UNC13B: variants seen among roughly 807,000 people sequenced by gnomAD.
UNC13B encodes the protein unc-13 homolog B, also known as protein unc-13 homolog B.
A neutral mutation model predicts 211.0 loss-of-function variants in UNC13B; 144 were observed. That is an observed-to-expected ratio of 0.68 (90% CI 0.60 to 0.78). The LOEUF (loss-of-function observed/expected upper bound fraction) is 0.78, where lower values mean the gene tolerates loss of function less well. UNC13B is among the 30% of genes least tolerant of loss of function. UNC13B has a pLI of 0.00. For synonymous variants in UNC13B, 709 were observed against 725.8 expected (o/e 0.98, Z 0.37); for missense variants, 1,777 against 2,002.0 (o/e 0.89, Z 2.14).
intron 29 of UNC13B, 115 bp downstream of exon 29, chr9:35,397,425 C>G (rs550653377): frequency 2.0e-6 from 3 of 1,492,802 alleles, no homozygotes; most frequent in South Asian, 2.5e-5. Context: ...TCGTGTGACC[C>G]CCATTCTCCT....
In UNC13B at chr9:35,338,643, C is replaced by T. The variant is rs78371595; in HGVS notation, c.9414+24654C>T. ...ACTATATGTCAGCTTTTTCATGTTG[C>T]TTCTGGCTTTCCTCAGCAGTAGAGA... On this transcript the variant is annotated intron_variant, in intron 11 of 39. Transcript: ENST00000635942. Among the ~76,000 whole-genome samples, 66 of 152,292 alleles carry T rather than the reference C, an allele frequency of 4.3e-4. 1 individual carries two copies. The highest frequency in any genetic ancestry group is 1.6e-3 in the African/African-American group (65 of 41,566).
At position 35,204,765 on chromosome 9, in the gene UNC13B, A is replaced by G. The variant is rs529473296; in HGVS notation, c.23-23250A>G. Reference sequence around the variant, plus strand: ...CTAATGTGTTTGATTTTACAGTCTCATAGCTGGAAGGGGCTTGCCTTGTCT... The same window carrying G: ...CTAATGTGTTTGATTTTACAGTCTCGTAGCTGGAAGGGGCTTGCCTTGTCT... On this transcript the variant is annotated intron_variant, in intron 1 of 39. Coordinates refer to ENST00000635942, the MANE Select transcript of UNC13B (RefSeq NM_001371189.2). Among the ~76,000 whole-genome samples, 12 of 152,316 alleles carry G rather than the reference A, an allele frequency of 7.9e-5. No individual in the cohort carries two copies. The East Asian group carries it at 2.1e-3, about 27-fold the overall frequency.
At chr9:35,297,508 A>C (rs906242352) in intron 8 of UNC13B, among the ~76,000 whole-genome samples, 1 of 143,952 alleles carries the variant, frequency 6.9e-6, no homozygotes, top group African/African-American at 2.6e-5. Context: ...AAAATGCTGG[A>C]TGTTTCCTTC....
intron 36 of UNC13B, 94 bp from the exon 37 acceptor site, chr9:35,400,202 C>T: frequency 6.5e-7 from 1 of 1,531,802 alleles, no homozygotes; most frequent in Non-Finnish European, 8.8e-7. Context: ...ACAGCCTATT[C>T]TCACAGTCCT....
chr9:35,396,341 G>A (rs186241535), intron 26 of UNC13B, 135 bp from the exon 27 acceptor site: 6 of 1,084,554 alleles, frequency 5.5e-6, no homozygotes, highest in African/African-American at 1.6e-5. Flanking sequence ...AGATGGCTGT[G>A]AGAAGGAGGT....
chr9:35,260,464 T>C (rs1321238590), intron 7 of UNC13B, among the ~76,000 whole-genome samples: 2 of 152,200 alleles, frequency 1.3e-5, no homozygotes, highest in Non-Finnish European at 2.9e-5. Flanking sequence ...TCTGACTTAG[T>C]AGCTCCTACC....
At chr9:35,184,749 AAAGAAAGAAAGG>A (rs1315549074) in intron 1 of UNC13B, among the ~76,000 whole-genome samples, 7 of 88,236 alleles carry the variant, frequency 7.9e-5, no homozygotes, top group African/African-American at 2.4e-4. Context: ...CGAAAGAAAG[AAAGAAAGAAAGG>A]AAGGAAGGAA....
intron 7 of UNC13B, among the ~76,000 whole-genome samples, chr9:35,289,837 C>T (rs1018608115): frequency 5.9e-5 from 9 of 152,100 alleles, no homozygotes; most frequent in Middle Eastern, 3.4e-3. Context: ...ATTAGCCAGG[C>T]GTGTTGGTAG....
intron 11 of UNC13B, among the ~76,000 whole-genome samples, chr9:35,327,834 G>A (rs1831106769): frequency 6.6e-6 from 1 of 152,150 alleles, no homozygotes; most frequent in Admixed American, 6.5e-5. Context: ...GTAGCATCCT[G>A]ATGGTCTCAG....
Position 35,236,461 on chromosome 9 carries a change from T to G in UNC13B, c.153-8T>G. On this transcript the variant is annotated splice_polypyrimidine_tract_variant and splice_region_variant and intron_variant, in intron 3 of 39. Coordinates refer to ENST00000635942, the MANE Select transcript of UNC13B (RefSeq NM_001371189.2). The stretch of plus-strand genomic sequence containing the variant: ...GCTTTCCTCAAAGGGCTTTCCTCTT[T>G]CCCTTAGTGAGATTAGTCGCCTGGA... 6.2e-7 allele frequency: 1 copy of G among 1,610,664 alleles called. No individual in the cohort carries two copies. Among genetic ancestry groups the G allele is most frequent in the East Asian group, 2.2e-5 (1 of 44,866 alleles).
At chr9:35,183,475 G>A (rs1181166464) in intron 1 of UNC13B, among the ~76,000 whole-genome samples, 2 of 131,484 alleles carry the variant, frequency 1.5e-5, no homozygotes, top group South Asian at 2.6e-4. Flanking sequence ...CAGGGCGGCC[G>A]GGCAGAGGCG....
intron 11 of UNC13B, among the ~76,000 whole-genome samples, chr9:35,350,680 A>G (rs191733470): frequency 3.9e-5 from 6 of 152,328 alleles, no homozygotes; most frequent in Non-Finnish European, 8.8e-5. Context: ...GTACTGTGCC[A>G]CTTTATTCTA....
chr9:35,349,547 C>T (rs559467811), intron 11 of UNC13B, among the ~76,000 whole-genome samples: 7 of 152,242 alleles, frequency 4.6e-5, no homozygotes, highest in Non-Finnish European at 8.8e-5. Flanking sequence ...AGATTAGGGG[C>T]ATGGCTGTTC....
rs550341824 is a variant in UNC13B at position 35,178,410 on chromosome 9, T to C, written c.22+16105T>C. 2.0e-5 allele frequency among the ~76,000 whole-genome samples: 3 copies of C among 151,888 alleles called. No individual in the cohort carries two copies. In the South Asian group the frequency reaches 6.3e-4, roughly 32 times the overall value. ...TACTTGGGAGGCTGAGGTGGGAGGA[T>C]TGCTTAAACCCAGGAGGCGGAGGTT... On this transcript the variant is annotated intron_variant, in intron 1 of 39. Transcript: ENST00000635942.
chr9:35,217,249 G>A (rs1330701443), intron 1 of UNC13B, among the ~76,000 whole-genome samples: 1 of 152,018 alleles, frequency 6.6e-6, no homozygotes, highest in East Asian at 1.9e-4. Flanking sequence ...TACTATTTTT[G>A]CAACTCCCTC....
At chr9:35,209,404 G>C (rs527466589) in intron 1 of UNC13B, among the ~76,000 whole-genome samples, 56 of 151,842 alleles carry the variant, frequency 3.7e-4, no homozygotes, top group African/African-American at 1.3e-3. Context: ...TTAAAATAGA[G>C]TCTTGCTCTG....
In UNC13B at chr9:35,283,958, A is replaced by G. The variant is rs183077476; in HGVS notation, c.527-11738A>G. On this transcript the variant is annotated intron_variant, in intron 7 of 39. Transcript: ENST00000635942. ...GTGCTGGTTACCTGAGTGTGTTCAC[A>G]GTATTCATTGAGCAGTACAGGCCGG... 4.6e-5 allele frequency among the ~76,000 whole-genome samples: 7 copies of G among 152,256 alleles called. No individual in the cohort carries two copies. In the East Asian group the frequency reaches 1.4e-3, roughly 29 times the overall value.
intron 10 of UNC13B, among the ~76,000 whole-genome samples, 185 bp downstream of exon 10, chr9:35,310,966 C>T (rs1357146317): frequency 1.3e-5 from 2 of 152,144 alleles, no homozygotes; most frequent in African/African-American, 4.8e-5. Context: ...TTTTGGAGAT[C>T]TCTGAAGAAT....
intron 1 of UNC13B, among the ~76,000 whole-genome samples, chr9:35,182,160 G>C (rs1821972136): frequency 6.6e-6 from 1 of 152,116 alleles, no homozygotes; most frequent in African/African-American, 2.4e-5. Flanking sequence ...CTGTGTGTTA[G>C]AGCTCTTTAT....
Sources: gnomAD v4.1 joint callset for allele counts (sites outside exome capture counted in the v4.1 genomes callset) on GRCh38, gnomAD v4.1.1 for gene constraint, MANE v1.5 for transcripts, NCBI Gene and HGNC (gene_info 2026-07-23, HGNC 2026-07-21) for gene names.